The following VANGL1 variants were observed in gnomAD, a reference collection of about 807,000 sequenced individuals.
VANGL1 encodes the protein VANGL planar cell polarity protein 1, also known as vang-like protein 1.
Under a neutral mutation model 48.4 loss-of-function variants are expected in VANGL1, and 18 were observed. The ratio of observed to expected loss-of-function variants is 0.37; its 90% confidence interval spans 0.26 to 0.55. The LOEUF (loss-of-function observed/expected upper bound fraction) is 0.55, where lower values mean the gene tolerates loss of function less well. Among genes scored for constraint, VANGL1 ranks in the 20% least tolerant of loss-of-function variants. The probability of loss-of-function intolerance (pLI) is 0.81; values close to 1 mark genes in which losing one functional copy is unlikely to be tolerated. For missense variants in VANGL1, 667 were observed against 675.8 expected, an observed-to-expected ratio of 0.99 and a Z score of 0.14; for synonymous variants, 257 against 261.8, an observed-to-expected ratio of 0.98 and a Z score of 0.18.
intron 4 of VANGL1, 117 bp from the exon 5 acceptor site, chr1:115,682,247 G>A: frequency 1.4e-6 from 2 of 1,410,192 alleles, no homozygotes; most frequent in Middle Eastern, 1.8e-4. Context: ...GTGGACTTCT[G>A]TATGAGATTA....
chr1:115,687,034 G>A (rs1653662665), intron 7 of VANGL1, among the ~76,000 whole-genome samples: 1 of 138,422 alleles, frequency 7.2e-6, no homozygotes, highest in African/African-American at 2.7e-5. Flanking sequence ...CTGTTTATAT[G>A]TTGCACTATA....
intron 4 of VANGL1, among the ~76,000 whole-genome samples, chr1:115,675,818 A>G (rs1000253502): frequency 4.6e-5 from 7 of 152,126 alleles, no homozygotes; most frequent in South Asian, 2.1e-4. Context: ...AAAAAAAACA[A>G]TTGGTATATG....
rs1653859965 is a variant in VANGL1, at chr1:115,692,038, A to G, written c.*659A>G. On this transcript the variant is annotated 3_prime_UTR_variant, in exon 8 of 8. Transcript: ENST00000355485. ...TGATCCCACCCCTCTGCTGGCTTGA[A>G]GCAGGTAACCCTTTCCCAGCCCTGC... is the stretch of plus-strand genomic sequence containing the variant. 1 of 153,096 alleles carries G rather than the reference A, an allele frequency of 6.5e-6. No individual in the cohort carries two copies. Among genetic ancestry groups the G allele is most frequent in the African/African-American group, 2.4e-5 (1 of 41,466 alleles). 9.5% of individuals were successfully genotyped at this position (153,096 alleles called of 1,614,324 possible). A position where few individuals can be genotyped will look rare whatever the true frequency, so the allele number is the denominator to read the frequency against.
intron 4 of VANGL1, among the ~76,000 whole-genome samples, chr1:115,673,674 T>C (rs1037261723): frequency 4.0e-5 from 6 of 149,058 alleles, no homozygotes; most frequent in Non-Finnish European, 7.4e-5. Flanking sequence ...ATCTCAGCTC[T>C]CTGCAACCTC....
chr1:115,661,722 A>G (rs1652560461), intron 3 of VANGL1, among the ~76,000 whole-genome samples: 1 of 151,900 alleles, frequency 6.6e-6, no homozygotes, highest in Non-Finnish European at 1.5e-5. Context: ...GGTTCAAGCG[A>G]TTCTCCTGCC....
chr1:115,647,100 A>G (rs1651970022), intron 1 of VANGL1, among the ~76,000 whole-genome samples: 1 of 152,364 alleles, frequency 6.6e-6, no homozygotes, highest in African/African-American at 2.4e-5. Context: ...GTGGGACACC[A>G]CGGAAAGGTT....
rs916400911 is a variant in VANGL1, at chr1:115,658,248, A to G, written c.72-1393A>G. On this transcript the variant is annotated intron_variant, in intron 2 of 7. Coordinates refer to ENST00000355485, the MANE Select transcript of VANGL1 (RefSeq NM_138959.3). Reference sequence around the variant, plus strand: ...GTAATGATAAGGTCGAAGTTTGACAAGAAATCTACGTTTTCTTAAGCTAAG... The same window carrying G: ...GTAATGATAAGGTCGAAGTTTGACAGGAAATCTACGTTTTCTTAAGCTAAG... 3.3e-5 allele frequency among the ~76,000 whole-genome samples: 5 copies of G among 152,242 alleles called. No individual in the cohort carries two copies. In the East Asian group the frequency reaches 5.8e-4, roughly 18 times the overall value.
chr1:115,678,999 G>A (rs1483630195), intron 4 of VANGL1, among the ~76,000 whole-genome samples: 2 of 151,394 alleles, frequency 1.3e-5, no homozygotes, highest in Non-Finnish European at 2.9e-5. Flanking sequence ...ATCCCAAAAT[G>A]TCACAACCAT....
rs1457018430 is a variant in VANGL1, at chr1:115,655,175, CA to C, written c.71+3692del. Among the ~76,000 whole-genome samples, 4 of 152,124 alleles carry C rather than the reference CA, an allele frequency of 2.6e-5. No homozygotes were observed. In the South Asian group the frequency reaches 8.3e-4, roughly 32 times the overall value. On this transcript the variant is annotated intron_variant, in intron 2 of 7. Transcript: ENST00000355485. The stretch of plus-strand genomic sequence containing the variant: ...CAGCCAGCCGGGCCCCAGCAGCCAG[CA>C]GAGAGAAAGGACGGGTCGTGGGTTG...
intron 2 of VANGL1, among the ~76,000 whole-genome samples, chr1:115,653,213 G>A (rs1359204398): frequency 6.6e-6 from 1 of 152,178 alleles, no homozygotes; most frequent in Non-Finnish European, 1.5e-5. Context: ...GCGAGCTTGT[G>A]CTGGAGTCCA....
chr1:115,676,205 G>T (rs765638676), intron 4 of VANGL1, among the ~76,000 whole-genome samples: 21 of 152,134 alleles, frequency 1.4e-4, no homozygotes, highest in South Asian at 4.2e-4. Flanking sequence ...AGGATTACAG[G>T]GTAGGTAGCA....
At chr1:115,643,868 G>A (rs769372638) in intron 1 of VANGL1, among the ~76,000 whole-genome samples, 1 of 152,178 alleles carries the variant, frequency 6.6e-6, no homozygotes, top group Admixed American at 6.5e-5. Context: ...CACACACTGT[G>A]CTTGCTACCC....
intron 4 of VANGL1, among the ~76,000 whole-genome samples, chr1:115,667,523 G>T (rs1196339003): frequency 6.6e-6 from 1 of 152,138 alleles, no homozygotes; most frequent in Non-Finnish European, 1.5e-5. Flanking sequence ...GAGCAGGTGG[G>T]GTAGAGGTGT....
chr1:115,651,148 G>A, intron 1 of VANGL1, 129 bp from the exon 2 acceptor site: 1 of 473,922 alleles, frequency 2.1e-6, no homozygotes, highest in Non-Finnish European at 3.8e-6. Flanking sequence ...CAGTTCAGTT[G>A]CTTCACCCTC....
At chr1:115,688,025 T>C (rs1028111752) in intron 7 of VANGL1, among the ~76,000 whole-genome samples, 1 of 129,768 alleles carries the variant, frequency 7.7e-6, no homozygotes, top group African/African-American at 2.9e-5. Context: ...TACATAGATA[T>C]ATACATAGAT....
At chr1:115,679,108 C>G (rs1653278110) in intron 4 of VANGL1, among the ~76,000 whole-genome samples, 1 of 152,192 alleles carries the variant, frequency 6.6e-6, no homozygotes, top group Non-Finnish European at 1.5e-5. Context: ...AACAGACCAT[C>G]CTCTGTAGGT....
intron 4 of VANGL1, among the ~76,000 whole-genome samples, chr1:115,670,095 A>G (rs966734412): frequency 9.2e-5 from 14 of 152,140 alleles, no homozygotes; most frequent in Non-Finnish European, 1.5e-4. Context: ...CAGATACCAG[A>G]GAGCTTGCTC....
chr1:115,648,922 A>T (rs1652036409), intron 1 of VANGL1, among the ~76,000 whole-genome samples: 1 of 152,172 alleles, frequency 6.6e-6, no homozygotes. Flanking sequence ...TCTAGAAGAG[A>T]GTGGGAAATC....
chr1:115,651,857 C>T (rs550531692), intron 2 of VANGL1, among the ~76,000 whole-genome samples: 2 of 151,992 alleles, frequency 1.3e-5, no homozygotes, highest in East Asian at 1.9e-4. Context: ...TGTGGGTTCA[C>T]GCCACTCTCC....
Sources: allele counts gnomAD v4.1 joint callset (sites outside exome capture counted in the v4.1 genomes callset), GRCh38; gene constraint gnomAD v4.1.1; transcripts MANE v1.5; gene names NCBI Gene and HGNC (gene_info 2026-07-23, HGNC 2026-07-21).